Variants in CDK12 observed in about 807,000 individuals in gnomAD.
CDK12 encodes the protein cyclin dependent kinase 12.
A neutral mutation model predicts 133.8 loss-of-function variants in CDK12; 17 were observed. That is an observed-to-expected ratio of 0.13 (90% CI 0.09 to 0.19). The LOEUF (loss-of-function observed/expected upper bound fraction) is 0.19, where lower values mean the gene tolerates loss of function less well. Ranked by LOEUF, CDK12 falls within the 10% of genes least tolerant of loss-of-function variation. The pLI, the probability that CDK12 is intolerant of heterozygous loss-of-function variation, is 1.00. For missense variants in CDK12, 1,508 were observed against 1,818.7 expected, an observed-to-expected ratio of 0.83 and a Z score of 3.11; for synonymous variants, 694 against 683.6, an observed-to-expected ratio of 1.02 and a Z score of -0.24.
At chr17:39,491,915 TC>T (rs1435555017) in intron 3 of CDK12, among the ~76,000 whole-genome samples, 1 of 148,492 alleles carries the variant, frequency 6.7e-6, no homozygotes, top group African/African-American at 2.5e-5. Flanking sequence ...GATCATGAGG[TC>T]AAGAGATCGA....
rs2049747028 is a variant in CDK12, at chr17:39,470,949, A to G, written c.1117A>G (p.Lys373Glu). The stretch of plus-strand genomic sequence containing the variant: ...ACATTCATCTTCTCATAGTAAAAAG[A>G]AGAGATCCAGTTCACGCAGTCGTCA... ...SRHSSSHSKK[K>E]RSSSRSRHSS... The change falls in exon 2 of 14, where the codon AAG (lysine) becomes GAG (glutamate). Residue 373 changes from lysine to glutamate, a missense_variant. By Grantham distance (56) the Lys-to-Glu change is moderately conservative (BLOSUM62 1). Transcript: ENST00000447079. 1 of 1,614,008 alleles carries G rather than the reference A, an allele frequency of 6.2e-7. No homozygotes were observed. Among genetic ancestry groups the G allele is most frequent in the African/African-American group, 1.3e-5 (1 of 75,058 alleles).
intron 3 of CDK12, among the ~76,000 whole-genome samples, chr17:39,562,044 A>C (rs1001813714): frequency 1.3e-5 from 2 of 152,124 alleles, no homozygotes; most frequent in African/African-American, 4.8e-5. Flanking sequence ...GGTTCAAGCG[A>C]TTCTCCTGCC....
chr17:39,560,155 T>G (rs992007113), intron 3 of CDK12, among the ~76,000 whole-genome samples: 1 of 152,254 alleles, frequency 6.6e-6, no homozygotes, highest in Admixed American at 6.5e-5. Context: ...TATCAATAGT[T>G]CATTCCTTTT....
intron 3 of CDK12, among the ~76,000 whole-genome samples, chr17:39,559,996 T>C (rs1271795545): frequency 2.0e-5 from 3 of 152,118 alleles, no homozygotes; most frequent in Admixed American, 2.0e-4. Context: ...GGGGCCTTGC[T>C]ATGTTGCCCA....
At chr17:39,522,324 T>C (rs2054226452) in intron 11 of CDK12, among the ~76,000 whole-genome samples, 1 of 152,124 alleles carries the variant, frequency 6.6e-6, no homozygotes, top group East Asian at 1.9e-4. Context: ...CGACCTCAGG[T>C]AATCTGCCTG....
intron 2 of CDK12, among the ~76,000 whole-genome samples, chr17:39,477,034 A>AT (rs1232733003): frequency 6.9e-6 from 1 of 145,648 alleles, no homozygotes; most frequent in African/African-American, 2.6e-5. Flanking sequence ...TATTATTATT[A>AT]TTTTTTGAGA....
intron 2 of CDK12, among the ~76,000 whole-genome samples, chr17:39,555,015 C>T (rs758665935): frequency 2.0e-5 from 3 of 151,906 alleles, no homozygotes; most frequent in African/African-American, 4.8e-5. Flanking sequence ...TTTGGGAGGC[C>T]GACGCAGGCG....
chr17:39,474,622 G>A (rs1353981689), intron 2 of CDK12, among the ~76,000 whole-genome samples: 1 of 151,722 alleles, frequency 6.6e-6, no homozygotes, highest in Non-Finnish European at 1.5e-5. Context: ...GCCAATATTG[G>A]TCATTTGAAT....
At chr17:39,481,043 C>G (rs984166353) in intron 2 of CDK12, among the ~76,000 whole-genome samples, 11 of 152,012 alleles carry the variant, frequency 7.2e-5, no homozygotes, top group Non-Finnish European at 1.3e-4. Flanking sequence ...CACCTGAGGT[C>G]GGGAGTTGGA....
At chr17:39,487,685 C>T (rs1199730924) in intron 2 of CDK12, among the ~76,000 whole-genome samples, 2 of 143,148 alleles carry the variant, frequency 1.4e-5, no homozygotes, top group African/African-American at 2.6e-5. Context: ...GGCACGATCT[C>T]GGCTTACTGC....
chr17:39,503,947 T>A (rs949600412), intron 6 of CDK12, among the ~76,000 whole-genome samples: 1 of 152,234 alleles, frequency 6.6e-6, no homozygotes, highest in Admixed American at 6.5e-5. Flanking sequence ...ATTATCAGTT[T>A]ATGCCGATAA....
chr17:39,504,333 AC>A (rs1162600629), intron 6 of CDK12, among the ~76,000 whole-genome samples: 2 of 152,182 alleles, frequency 1.3e-5, no homozygotes, highest in African/African-American at 4.8e-5. Flanking sequence ...CAGAAATGTA[AC>A]CCAAGAGAGA....
At chr17:39,487,607 A>ATTTT (rs887590343) in intron 2 of CDK12, among the ~76,000 whole-genome samples, 10 of 96,350 alleles carry the variant, frequency 1.0e-4, no homozygotes, top group Non-Finnish European at 1.2e-4. Flanking sequence ...GCATGACACA[A>ATTTT]TTTTTTTTTT....
chr17:39,474,680 C>G (rs1219621911), intron 2 of CDK12, among the ~76,000 whole-genome samples: 1 of 151,722 alleles, frequency 6.6e-6, no homozygotes, highest in Admixed American at 6.6e-5. Context: ...TTTTTCGTAC[C>G]CTCTGTTCTT....
chr17:39,478,262 G>C (rs2050374334), intron 2 of CDK12, among the ~76,000 whole-genome samples: 1 of 151,392 alleles, frequency 6.6e-6, no homozygotes, highest in African/African-American at 2.4e-5. Context: ...CTCAATCTCA[G>C]CTCACTGCAA....
chr17:39,477,580 T>C (rs1356991250), intron 2 of CDK12, among the ~76,000 whole-genome samples: 2 of 146,926 alleles, frequency 1.4e-5, no homozygotes, highest in South Asian at 2.1e-4. Flanking sequence ...ATTTATTTTT[T>C]TTTTTTTTTT....
Position 39,541,698 on chromosome 17 carries a change from T to C in CDK12, c.451-2551T>C, listed in dbSNP as rs115219044. On this transcript the variant is annotated intron_variant and NMD_transcript_variant, in intron 1 of 4. Transcript: ENST00000559663. ...GGAAGGCCTCCTTCTGAAACATACTTGTCCCTTTGGTTAAGCCAGCAAGGG... is the reference window on the plus strand; with the variant it reads ...GGAAGGCCTCCTTCTGAAACATACTCGTCCCTTTGGTTAAGCCAGCAAGGG... Among the ~76,000 whole-genome samples, 1,110 of 152,322 alleles carry C rather than the reference T, an allele frequency of 7.3e-3. 15 individuals carry two copies. The highest frequency in any genetic ancestry group is 0.026 in the African/African-American group (1,065 of 41,554).
chr17:39,465,926 A>G (rs1290110767), intron 1 of CDK12, among the ~76,000 whole-genome samples: 2 of 152,224 alleles, frequency 1.3e-5, no homozygotes, highest in Non-Finnish European at 2.9e-5. Context: ...AGACTAAAAC[A>G]CTAAAAGGAG....
chr17:39,497,664 G>C (rs951131812), intron 5 of CDK12, among the ~76,000 whole-genome samples: 1 of 151,612 alleles, frequency 6.6e-6, no homozygotes, highest in African/African-American at 2.4e-5. Context: ...GGAGTACAAC[G>C]GTGGTCATAG....
Sources: allele counts gnomAD v4.1 joint callset (sites outside exome capture counted in the v4.1 genomes callset), GRCh38; gene constraint gnomAD v4.1.1; transcripts MANE v1.5; gene names NCBI Gene and HGNC (gene_info 2026-07-23, HGNC 2026-07-21).